MTA3: variants seen among roughly 807,000 people sequenced by gnomAD.
MTA3 encodes metastasis-associated protein MTA3.
MTA3 carries 34 observed loss-of-function variants against 83.5 expected under a neutral mutation model. The observed-to-expected ratio is 0.41, with a 90% CI of 0.31 to 0.54. The LOEUF is 0.54. Among genes scored for constraint, MTA3 ranks in the 20% least tolerant of loss-of-function variants. The pLI, the probability that MTA3 is intolerant of heterozygous loss-of-function variation, is 0.33. For missense variants in MTA3, 761 were observed against 726.4 expected, an observed-to-expected ratio of 1.05 and a Z score of -0.55; for synonymous variants, 303 against 252.7, an observed-to-expected ratio of 1.20 and a Z score of -1.89.
At chr2:42,639,032 A>G (rs1264830697) in intron 4 of MTA3, among the ~76,000 whole-genome samples, 1 of 151,124 alleles carries the variant, frequency 6.6e-6, no homozygotes, top group Non-Finnish European at 1.5e-5. Context: ...GTGATCCAAC[A>G]GCAAGCTTTT....
intron 2 of MTA3, among the ~76,000 whole-genome samples, chr2:42,529,114 G>GT (rs1282703441): frequency 6.6e-6 from 1 of 152,028 alleles, no homozygotes; most frequent in African/African-American, 2.4e-5. Context: ...AATTTACTGG[G>GT]TTTTTTTGTT....
intron 5 of MTA3, 22 bp from the exon 6 acceptor site, chr2:42,644,105 T>C: frequency 7.1e-7 from 1 of 1,409,060 alleles, no homozygotes; most frequent in East Asian, 2.3e-5. Context: ...AGTATACCTA[T>C]GTATTTTGTC....
At chr2:42,586,093 C>T (rs566290132) in intron 3 of MTA3, among the ~76,000 whole-genome samples, 2 of 151,574 alleles carry the variant, frequency 1.3e-5, no homozygotes, top group African/African-American at 2.4e-5. Context: ...GCCTGACCAA[C>T]GTGGTGAAAC....
At chr2:42,672,733 T>C (rs2104411251) in intron 8 of MTA3, among the ~76,000 whole-genome samples, 1 of 151,172 alleles carries the variant, frequency 6.6e-6, no homozygotes, top group East Asian at 1.9e-4. Context: ...TTAGGTTGAT[T>C]TGAGTGGATG....
intron 3 of MTA3, among the ~76,000 whole-genome samples, chr2:42,606,578 C>T (rs1312309720): frequency 7.1e-6 from 1 of 140,296 alleles, no homozygotes; most frequent in Non-Finnish European, 1.5e-5. Context: ...CGGGCGGAGA[C>T]GCTCCTCACT....
upstream of MTA3, chr2:42,568,030 C>A (rs528207416): frequency 6.6e-6 from 1 of 152,408 alleles, no homozygotes; most frequent in East Asian, 1.9e-4. Flanking sequence ...CTACCTCTGT[C>A]CCCAGCTGGG....
At chr2:42,567,808 G>C (rs1677989544), upstream of MTA3, among the ~76,000 whole-genome samples, 3 of 152,266 alleles carry the variant, frequency 2.0e-5, no homozygotes, top group South Asian at 4.2e-4. Flanking sequence ...GTTTGGGGGT[G>C]GTGGTGATTG....
intron 16 of MTA3, among the ~76,000 whole-genome samples, chr2:42,749,680 C>A (rs1669718929): frequency 6.6e-6 from 1 of 152,090 alleles, no homozygotes; most frequent in Non-Finnish European, 1.5e-5. Flanking sequence ...GTTGGCCAGG[C>A]TGGTCTTGAA....
chr2:42,594,653 A>ACAC (rs1681468350), intron 3 of MTA3, among the ~76,000 whole-genome samples: 5 of 125,342 alleles, frequency 4.0e-5, no homozygotes, highest in Non-Finnish European at 8.0e-5. Context: ...TATATATATA[A>ACAC]ATATATATAT....
chr2:42,530,212 C>T (rs1349450422), intron 2 of MTA3, among the ~76,000 whole-genome samples: 1 of 141,850 alleles, frequency 7.0e-6, no homozygotes, highest in South Asian at 2.3e-4. Context: ...CAACCATTGC[C>T]GGCATGGTGG....
chr2:42,737,711 G>A (rs1668712370), intron 16 of MTA3, among the ~76,000 whole-genome samples: 1 of 152,010 alleles, frequency 6.6e-6, no homozygotes, highest in African/African-American at 2.4e-5. Context: ...CTACATTTTA[G>A]GAATGGAAAA....
rs116569705 is a variant in MTA3 at position 42,749,273 on chromosome 2, A to T, written c.1760-4101A>T. On this transcript the variant is annotated intron_variant, in intron 16 of 16. Transcript: ENST00000405094. ...CTGGTTCCTCAGCCTAGTAGACTGTAGCTTTCTGCCTGAGCTATATTCATC... is the reference window on the plus strand; with the variant it reads ...CTGGTTCCTCAGCCTAGTAGACTGTTGCTTTCTGCCTGAGCTATATTCATC... Among the ~76,000 whole-genome samples, 671 of 152,280 alleles carry T rather than the reference A, an allele frequency of 4.4e-3. 7 individuals carry two copies. The highest frequency in any genetic ancestry group is 0.015 in the African/African-American group (620 of 41,542).
intron 2 of MTA3, among the ~76,000 whole-genome samples, chr2:42,575,036 A>T (rs985836051): frequency 3.3e-5 from 5 of 152,236 alleles, no homozygotes; most frequent in Admixed American, 3.3e-4. Context: ...AGTTAATTAC[A>T]TCGAAATAGA....
chr2:42,606,219 C>A, intron 3 of MTA3, among the ~76,000 whole-genome samples: 1 of 137,814 alleles, frequency 7.3e-6, no homozygotes, highest in South Asian at 2.4e-4. Context: ...ACCTCCCTCC[C>A]GGACGGGGTG....
intron 3 of MTA3, among the ~76,000 whole-genome samples, chr2:42,593,337 C>T (rs1026502690): frequency 2.4e-4 from 18 of 74,530 alleles, no homozygotes; most frequent in African/African-American, 5.8e-4. Context: ...GGTGACAGAG[C>T]GAGACTCTGT....
At chr2:42,745,680 C>G (rs554218831) in intron 16 of MTA3, among the ~76,000 whole-genome samples, 1 of 152,200 alleles carries the variant, frequency 6.6e-6, no homozygotes, top group African/African-American at 2.4e-5. Context: ...GCCACTGCAC[C>G]CAGCTGAGAC....
At chr2:42,656,391 G>C (rs1462363920) in intron 7 of MTA3, 89 bp downstream of exon 7, 1 of 718,718 alleles carries the variant, frequency 1.4e-6, no homozygotes, top group Non-Finnish European at 2.1e-6. Flanking sequence ...TTTGTATTCT[G>C]CTTTTCTCCC....
chr2:42,599,808 A>G (rs1002738110), intron 3 of MTA3, among the ~76,000 whole-genome samples: 1 of 152,122 alleles, frequency 6.6e-6, no homozygotes, highest in Non-Finnish European at 1.5e-5. Context: ...TTGTAGCTTA[A>G]GGAGTTTCAT....
chr2:42,564,339 A>G (rs1001775485), upstream of MTA3, among the ~76,000 whole-genome samples: 3 of 152,192 alleles, frequency 2.0e-5, no homozygotes, highest in Admixed American at 6.5e-5. Flanking sequence ...ATCCGAAAAC[A>G]CATACTGCCC....
Sources: gnomAD v4.1 joint callset for allele counts (sites outside exome capture counted in the v4.1 genomes callset) on GRCh38, gnomAD v4.1.1 for gene constraint, MANE v1.5 for transcripts, NCBI Gene and HGNC (gene_info 2026-07-23, HGNC 2026-07-21) for gene names.